TTLL7: variants seen among roughly 807,000 people sequenced by gnomAD.
The protein encoded by TTLL7 is tubulin tyrosine ligase like 7, also known as tubulin polyglutamylase TTLL7.
In TTLL7, 53 loss-of-function variants were observed where a neutral mutation model predicts 120.2. That is an observed-to-expected ratio of 0.44 (90% CI 0.35 to 0.55). The LOEUF is 0.55. Ranked by LOEUF, TTLL7 falls within the 20% of genes least tolerant of loss-of-function variation. The pLI, the probability that TTLL7 is intolerant of heterozygous loss-of-function variation, is 0.00. For synonymous variants in TTLL7, 353 were observed against 351.7 expected, an observed-to-expected ratio of 1.00 and a Z score of -0.04; for missense variants, 803 against 1,054.7, an observed-to-expected ratio of 0.76 and a Z score of 3.31.
At position 83,914,573 on chromosome 1, in the gene TTLL7, G is replaced by A. The variant is rs187100844; in HGVS notation, c.1587+3031C>T. On this transcript the variant is annotated intron_variant, in intron 14 of 20. Transcript: ENST00000260505. ...TCTCAATCTCTTGACCTCGTGATCC[G>A]CCTGCCTTGGCCTCCCAAAGTGCTG... Among the ~76,000 whole-genome samples, 804 of 151,966 alleles carry A rather than the reference G, an allele frequency of 5.3e-3. 8 individuals are homozygous for A. Among genetic ancestry groups the A allele is most frequent in the African/African-American group, 0.019 (768 of 41,486 alleles).
intron 1 of TTLL7, chr1:83,980,333 T>G (rs995307235): frequency 6.6e-6 from 1 of 152,194 alleles, no homozygotes; most frequent in Non-Finnish European, 1.5e-5. Flanking sequence ...GGCACAATCA[T>G]AGCTCACTGC....
chr1:83,880,619 A>G lies in TTLL7; in HGVS notation c.2543+2344T>C, dbSNP rs201480148. The stretch of plus-strand genomic sequence containing the variant: ...CTTTTTGAGTATCACTTAGTGTTTC[A>G]AAGTCATGGCTTAATTTCTTCTATC... On this transcript the variant is annotated intron_variant, in intron 20 of 20. Coordinates refer to ENST00000260505, the MANE Select transcript of TTLL7 (RefSeq NM_024686.6). Among the ~76,000 whole-genome samples the G allele has an allele frequency of 3.7e-4, 57 of 152,092 alleles. No homozygotes were observed. The East Asian group carries it at 0.01, about 28-fold the overall frequency.
At chr1:83,870,603 A>ATGTAATCATTT (rs1327446293) in intron 20 of TTLL7, among the ~76,000 whole-genome samples, 1 of 152,198 alleles carries the variant, frequency 6.6e-6, no homozygotes, top group Non-Finnish European at 1.5e-5. Context: ...TAGAGTGCTC[A>ATGTAATCATTT]TGATTACAGA....
intron 17 of TTLL7, among the ~76,000 whole-genome samples, chr1:83,905,109 CAA>C (rs1384684867): frequency 6.6e-6 from 1 of 151,732 alleles, no homozygotes; most frequent in Non-Finnish European, 1.5e-5. Context: ...TAAAGTGCTA[CAA>C]AGTCATTGGC....
At chr1:83,987,257 G>A (rs1280509227) in intron 1 of TTLL7, among the ~76,000 whole-genome samples, 1 of 147,534 alleles carries the variant, frequency 6.8e-6, no homozygotes. Flanking sequence ...AAAAAAAAAA[G>A]AAAAAACAAA....
At chr1:83,897,480 T>C (rs1187235927) in intron 18 of TTLL7, among the ~76,000 whole-genome samples, 2 of 152,126 alleles carry the variant, frequency 1.3e-5, no homozygotes, top group African/African-American at 4.8e-5. Context: ...CGCACAGCCT[T>C]TGTGGCAGCC....
chr1:83,961,166 T>C (rs1649985314), intron 1 of TTLL7, among the ~76,000 whole-genome samples: 1 of 152,162 alleles, frequency 6.6e-6, no homozygotes, highest in Non-Finnish European at 1.5e-5. Context: ...TCCCAGAGCC[T>C]GGAACATAGG....
intron 14 of TTLL7, among the ~76,000 whole-genome samples, chr1:83,911,752 C>CT (rs34729989): frequency 0.43 from 65,783 of 151,700 alleles, 15,614 homozygotes; most frequent in Non-Finnish European, 0.54. Context: ...CTACCTTTGT[C>CT]TTATCATTAA....
At chr1:83,924,273 C>G (rs555248291) in intron 10 of TTLL7, among the ~76,000 whole-genome samples, 1 of 152,242 alleles carries the variant, frequency 6.6e-6, no homozygotes, top group East Asian at 1.9e-4. Context: ...GTTAGTAAAC[C>G]ATTCTGTCTC....
chr1:83,978,195 A>G (rs767473760), intron 1 of TTLL7, among the ~76,000 whole-genome samples: 1 of 152,224 alleles, frequency 6.6e-6, no homozygotes. Flanking sequence ...GCAGCTGCTG[A>G]GGTAGACCAT....
chr1:83,888,658 T>C (rs1352382906), intron 19 of TTLL7, among the ~76,000 whole-genome samples: 1 of 151,832 alleles, frequency 6.6e-6, no homozygotes, highest in Non-Finnish European at 1.5e-5. Flanking sequence ...TTAAATGACA[T>C]CAACAGTTCA....
At chr1:83,972,334 G>T (rs950219882) in intron 1 of TTLL7, among the ~76,000 whole-genome samples, 2 of 151,976 alleles carry the variant, frequency 1.3e-5, no homozygotes, top group African/African-American at 4.8e-5. Flanking sequence ...GTCTTTTCTA[G>T]AATGTCATAT....
chr1:83,986,920 A>G (rs1177421809), intron 1 of TTLL7, among the ~76,000 whole-genome samples: 2 of 152,220 alleles, frequency 1.3e-5, no homozygotes, highest in African/African-American at 4.8e-5. Flanking sequence ...AGTTCCAGCC[A>G]TTGCAATAAA....
chr1:83,969,386 T>C (rs1322157423), intron 1 of TTLL7, among the ~76,000 whole-genome samples: 12 of 152,042 alleles, frequency 7.9e-5, no homozygotes, highest in Admixed American at 5.2e-4. Context: ...GATATCACTT[T>C]TGTATATATA....
At chr1:83,894,495 G>T in intron 18 of TTLL7, among the ~76,000 whole-genome samples, 1 of 152,090 alleles carries the variant, frequency 6.6e-6, no homozygotes, top group East Asian at 1.9e-4. Context: ...AAAACACTGT[G>T]CTAGGCACAT....
chr1:83,959,784 C>T lies in TTLL7; in HGVS notation c.-176-7397G>A, dbSNP rs559583285. ...ATCAACACCAACAAGGGAGTGAAGA[C>T]ACTGCAATACACTCATACAATGAAA... On this transcript the variant is annotated intron_variant, in intron 1 of 20. Transcript: ENST00000260505. 2.0e-5 allele frequency among the ~76,000 whole-genome samples: 3 copies of T among 152,218 alleles called. No individual in the cohort carries two copies. In the South Asian group the frequency reaches 6.2e-4, roughly 32 times the overall value.
chr1:83,959,284 C>T (rs1649807236), intron 1 of TTLL7, among the ~76,000 whole-genome samples: 2 of 152,178 alleles, frequency 1.3e-5, no homozygotes, highest in African/African-American at 2.4e-5. Flanking sequence ...AACCACTGCA[C>T]TAGAAGGCCA....
At chr1:83,872,673 G>T (rs941763151) in intron 20 of TTLL7, among the ~76,000 whole-genome samples, 1 of 152,162 alleles carries the variant, frequency 6.6e-6, no homozygotes, top group African/African-American at 2.4e-5. Context: ...TTGAGATAAA[G>T]ATCACTAGTT....
At position 83,870,028 on chromosome 1, in the gene TTLL7, C is replaced by G. The variant is rs1441265333; in HGVS notation, c.2598G>C (p.Leu866Phe). Residue 866 changes from leucine to phenylalanine, a missense_variant, in exon 21 of 21, where the codon TTG becomes TTC. This residue lies in a region of TTLL7 where 388 missense variants were observed against 450.4 expected (regional missense o/e 0.86). Transcript: ENST00000260505. ...GAGTCATTCCAGGTGAATTGTACTT[C>G]AAGTTGTAGGTTGGTGTTCTCAAGA... ...QFFLRTPTYN[L>F]KYNSPGMTRS... 1.3e-6 allele frequency: 2 copies of G among 1,588,628 alleles called. No individual in the cohort carries two copies. The highest frequency in any genetic ancestry group is 1.7e-6 in the Non-Finnish European group (2 of 1,170,640).
Sources: allele counts gnomAD v4.1 joint callset (sites outside exome capture counted in the v4.1 genomes callset), GRCh38; gene constraint gnomAD v4.1.1; regional missense constraint gnomAD v4.1.1; transcripts MANE v1.5; gene names NCBI Gene and HGNC (gene_info 2026-07-23, HGNC 2026-07-21).